RGS22: variants seen among roughly 807,000 people sequenced by gnomAD.
RGS22 encodes the protein regulator of G-protein signaling 22.
RGS22 carries 148 observed loss-of-function variants against 172.9 expected under a neutral mutation model. The observed-to-expected ratio is 0.86, with a 90% CI of 0.75 to 0.98. The LOEUF (loss-of-function observed/expected upper bound fraction) is 0.98. Among genes scored for constraint, RGS22 ranks in the 50% least tolerant of loss-of-function variants. RGS22 has a pLI of 0.00. For synonymous variants in RGS22, 458 were observed against 480.2 expected, an observed-to-expected ratio of 0.95 and a Z score of 0.60; for missense variants, 1,347 against 1,440.8, an observed-to-expected ratio of 0.93 and a Z score of 1.05.
At chr8:99,995,236 C>T (rs1333612050) in intron 20 of RGS22, among the ~76,000 whole-genome samples, 1 of 152,154 alleles carries the variant, frequency 6.6e-6, no homozygotes, top group African/African-American at 2.4e-5. Flanking sequence ...ACACCAAAAG[C>T]AATGGCAACA....
intron 4 of RGS22, among the ~76,000 whole-genome samples, chr8:100,076,239 T>C (rs1341659760): frequency 6.6e-6 from 1 of 152,218 alleles, no homozygotes; most frequent in East Asian, 1.9e-4. Context: ...TTATCTTTTT[T>C]TCCTTGTGCA....
chr8:100,094,900 A>G (rs1047550553), intron 2 of RGS22, among the ~76,000 whole-genome samples: 21 of 152,232 alleles, frequency 1.4e-4, no homozygotes, highest in African/African-American at 5.1e-4. Context: ...GCAGTACTGG[A>G]TCACATGATC....
At chr8:100,100,716 A>G (rs762487207) in intron 2 of RGS22, among the ~76,000 whole-genome samples, 2 of 152,176 alleles carry the variant, frequency 1.3e-5, no homozygotes, top group Non-Finnish European at 2.9e-5. Flanking sequence ...GAAATACCCT[A>G]TGTTTATTAT....
chr8:100,038,759 A>G (rs1247470388), intron 14 of RGS22, 172 bp downstream of exon 14: 7 of 414,456 alleles, frequency 1.7e-5, no homozygotes, highest in Non-Finnish European at 4.3e-6. Flanking sequence ...AAACTCACAA[A>G]TCATATTATA....
intron 2 of RGS22, among the ~76,000 whole-genome samples, chr8:100,098,646 T>C (rs1390025881): frequency 6.6e-6 from 1 of 152,078 alleles, no homozygotes; most frequent in Non-Finnish European, 1.5e-5. Context: ...CATCAGTATC[T>C]ATCCAGAAGC....
intron 3 of RGS22, among the ~76,000 whole-genome samples, chr8:100,089,496 A>C (rs1466449062): frequency 1.3e-5 from 2 of 152,090 alleles, no homozygotes; most frequent in Non-Finnish European, 2.9e-5. Context: ...CCCATTCCCA[A>C]GCCAGGTTAA....
At chr8:100,065,396 T>C (rs1473228209) in intron 7 of RGS22, among the ~76,000 whole-genome samples, 1 of 152,186 alleles carries the variant, frequency 6.6e-6, no homozygotes, top group Admixed American at 6.5e-5. Context: ...AGCCTATGAA[T>C]CCAGGTATTT....
chr8:100,055,418 C>A (rs79833502), intron 9 of RGS22, among the ~76,000 whole-genome samples: 3,108 of 152,268 alleles, frequency 0.02, 106 homozygotes, highest in African/African-American at 0.07. Context: ...GCAAGAACAA[C>A]AGCATTACTA....
intron 11 of RGS22, 183 bp from the exon 12 acceptor site, chr8:100,042,099 A>C (rs1196564119): frequency 2.1e-6 from 1 of 466,780 alleles, no homozygotes; most frequent in East Asian, 3.9e-5. Flanking sequence ...AATGAGTCAT[A>C]GTTATACAGA....
intron 21 of RGS22, among the ~76,000 whole-genome samples, chr8:99,984,984 T>C (rs1444072149): frequency 6.6e-6 from 1 of 152,216 alleles, no homozygotes; most frequent in African/African-American, 2.4e-5. Flanking sequence ...AACGTCCTTG[T>C]TGTACAACTG....
chr8:100,077,539 T>C (rs572207346), intron 4 of RGS22, among the ~76,000 whole-genome samples: 1 of 152,316 alleles, frequency 6.6e-6, no homozygotes, highest in Admixed American at 6.5e-5. Flanking sequence ...TTTAAGGATT[T>C]TGTTACCGAT....
At chr8:100,055,905 T>C (rs1822195499) in intron 9 of RGS22, among the ~76,000 whole-genome samples, 1 of 152,002 alleles carries the variant, frequency 6.6e-6, no homozygotes, top group African/African-American at 2.4e-5. Context: ...TTGGTACCAG[T>C]AGAGTGGGGT....
chr8:100,051,438 ATATT>A (rs1315014387), intron 10 of RGS22, among the ~76,000 whole-genome samples: 3 of 101,206 alleles, frequency 3.0e-5, no homozygotes, highest in South Asian at 2.9e-4. Context: ...ATATATTTAT[ATATT>A]TATTTATATT....
chr8:99,994,096 G>A (rs185658457), intron 20 of RGS22, among the ~76,000 whole-genome samples: 1 of 152,158 alleles, frequency 6.6e-6, no homozygotes, highest in East Asian at 1.9e-4. Flanking sequence ...AATAAACTAG[G>A]TATTGATGGA....
In RGS22 at chr8:100,006,004, A is replaced by G. The variant is rs1815657831; in HGVS notation, c.2454+13T>C. 1.9e-6 allele frequency: 3 copies of G among 1,609,686 alleles called. No homozygotes were observed. Among genetic ancestry groups the G allele is most frequent in the Non-Finnish European group, 8.5e-7 (1 of 1,177,198 alleles). ...ATAAAAAGTTTGTTTTTCTAAGTAG[A>G]AAGTTGCCTTACCTCAGCTTTCTTG... On this transcript the variant is annotated intron_variant, in intron 16 of 27. Transcript: ENST00000360863.
At chr8:100,056,702 T>C (rs913240605) in intron 9 of RGS22, among the ~76,000 whole-genome samples, 2 of 152,162 alleles carry the variant, frequency 1.3e-5, no homozygotes, top group African/African-American at 4.8e-5. Flanking sequence ...AGGTCAGGAA[T>C]TGAGGTTTGG....
intron 3 of RGS22, among the ~76,000 whole-genome samples, chr8:100,084,163 G>A (rs1316331674): frequency 6.6e-6 from 1 of 152,126 alleles, no homozygotes; most frequent in Non-Finnish European, 1.5e-5. Context: ...GGCTTACTGT[G>A]GATGCTGTGG....
intron 9 of RGS22, chr8:100,054,251 AATTCTT>A (rs1305803209): frequency 3.9e-5 from 6 of 152,284 alleles, no homozygotes; most frequent in African/African-American, 1.4e-4. Context: ...CCCAAAGACT[AATTCTT>A]ATTCCATATT....
At chr8:99,967,630 G>A (rs1810889117) in intron 23 of RGS22, among the ~76,000 whole-genome samples, 1 of 152,186 alleles carries the variant, frequency 6.6e-6, no homozygotes, top group South Asian at 2.1e-4. Flanking sequence ...TTTGAATGGT[G>A]TGGAACTCAC....
Sources: allele counts gnomAD v4.1 joint callset (sites outside exome capture counted in the v4.1 genomes callset), GRCh38; gene constraint gnomAD v4.1.1; transcripts MANE v1.5; gene names NCBI Gene and HGNC (gene_info 2026-07-23, HGNC 2026-07-21).